KLHL4: variants seen among roughly 807,000 people sequenced by gnomAD.
KLHL4 encodes kelch like family member 4.
KLHL4 carries 17 observed loss-of-function variants against 45.8 expected under a neutral mutation model. The observed-to-expected ratio is 0.37, with a 90% CI of 0.25 to 0.56. The LOEUF is 0.56. Among genes scored for constraint, KLHL4 ranks in the 20% least tolerant of loss-of-function variants. The pLI, the probability that KLHL4 is intolerant of heterozygous loss-of-function variation, is 0.79. For missense variants in KLHL4, 544 were observed against 544.9 expected, an observed-to-expected ratio of 1.00 and a Z score of 0.02; for synonymous variants, 224 against 189.9, an observed-to-expected ratio of 1.18 and a Z score of -1.47.
intron 1 of KLHL4, among the ~76,000 whole-genome samples, chrX:87,533,496 T>C (rs1302001846): frequency 3.0e-5 from 3 of 100,814 alleles, no homozygotes; most frequent in African/African-American, 7.4e-5. Context: ...TAGGTGGGAA[T>C]TGAACAATGA....
chrX:87,554,234 G>GT (rs887529722), intron 1 of KLHL4, among the ~76,000 whole-genome samples: 16 of 80,833 alleles, frequency 2.0e-4, no homozygotes, highest in Non-Finnish European at 3.0e-4. Context: ...CTTTAAAGTA[G>GT]TTTTTTCCAA....
intron 1 of KLHL4, among the ~76,000 whole-genome samples, chrX:87,569,095 G>A (rs1932280101): frequency 9.0e-6 from 1 of 111,062 alleles, no homozygotes; most frequent in Admixed American, 9.6e-5. Context: ...CTTGTGTCTG[G>A]AATATATAAA....
At chrX:87,582,290 A>G (rs752070532) in intron 1 of KLHL4, among the ~76,000 whole-genome samples, 26 of 96,444 alleles carry the variant, frequency 2.7e-4, no homozygotes, top group Non-Finnish European at 4.2e-4. Context: ...AGCACCTAAG[A>G]GATAGAAAAA....
At chrX:87,531,040 A>G (rs754139988) in intron 1 of KLHL4, among the ~76,000 whole-genome samples, 1 of 112,082 alleles carries the variant, frequency 8.9e-6, no homozygotes, top group Non-Finnish European at 1.9e-5. Flanking sequence ...GCATTTTTTC[A>G]TGTGTCCTTT....
At chrX:87,600,063 C>T (rs1466596464) in intron 1 of KLHL4, among the ~76,000 whole-genome samples, 1 of 111,756 alleles carries the variant, frequency 8.9e-6, no homozygotes, top group African/African-American at 3.3e-5. Flanking sequence ...GAGATGGAAT[C>T]CTCAGTGCTG....
chrX:87,659,113 C>CTTTTTTTTTTTTTTTTTTTTTTTTT (rs1178733729), intron 9 of KLHL4, among the ~76,000 whole-genome samples: 2 of 45,101 alleles, frequency 4.4e-5, no homozygotes, highest in Non-Finnish European at 7.2e-5. Flanking sequence ...TCTTTTCTTT[C>CTTTTTTTTTTTTTTTTTTTTTTTTT]TTTTTTTTTT....
chrX:87,617,909 C>T (rs760357337), intron 3 of KLHL4, 23 bp from the exon 4 acceptor site: 2 of 1,151,886 alleles, frequency 1.7e-6, no homozygotes, highest in African/African-American at 1.8e-5. Flanking sequence ...TATAATCATT[C>T]TTTGCTTTTT....
At chrX:87,532,506 T>A (rs202120972) in intron 1 of KLHL4, among the ~76,000 whole-genome samples, 25,297 of 103,899 alleles carry the variant, frequency 0.24, 2,943 homozygotes, top group East Asian at 0.51. Context: ...TGGCATTGAA[T>A]CTATAAATTA....
At chrX:87,559,949 T>A (rs4828471) in intron 1 of KLHL4, among the ~76,000 whole-genome samples, 27,722 of 110,745 alleles carry the variant, frequency 0.25, 2,953 homozygotes, top group East Asian at 0.51. Context: ...TTACAAAAAC[T>A]GTACCCTTAA....
At chrX:87,654,658 C>T (rs1294971438) in intron 9 of KLHL4, among the ~76,000 whole-genome samples, 2 of 111,752 alleles carry the variant, frequency 1.8e-5, no homozygotes, top group Non-Finnish European at 1.9e-5. Context: ...CAGGTAGATA[C>T]GTAGTAGTGG....
chrX:87,638,127 C>A (rs1173410982), intron 9 of KLHL4, among the ~76,000 whole-genome samples: 1 of 109,527 alleles, frequency 9.1e-6, no homozygotes, highest in Non-Finnish European at 1.9e-5. Context: ...TCAAATTAAC[C>A]CAATCCGACA....
intron 1 of KLHL4, among the ~76,000 whole-genome samples, chrX:87,542,445 G>A (rs942883565): frequency 8.9e-6 from 1 of 112,457 alleles, no homozygotes; most frequent in Non-Finnish European, 1.9e-5. Flanking sequence ...GGACCCTGCT[G>A]CACTGTGCAG....
intron 1 of KLHL4, among the ~76,000 whole-genome samples, chrX:87,572,196 C>T (rs1292827856): frequency 9.0e-6 from 1 of 111,015 alleles, no homozygotes; most frequent in African/African-American, 3.3e-5. Flanking sequence ...CTAGTTTCTG[C>T]GAAAGCTTTC....
chrX:87,538,511 A>G (rs1408616473), intron 1 of KLHL4, among the ~76,000 whole-genome samples: 23 of 111,962 alleles, frequency 2.1e-4, no homozygotes, highest in Admixed American at 1.9e-3. Flanking sequence ...ATTAATTTTT[A>G]GAGATATATT....
chrX:87,625,290 C>T (rs910867902), intron 5 of KLHL4, among the ~76,000 whole-genome samples: 3 of 111,894 alleles, frequency 2.7e-5, no homozygotes, highest in Non-Finnish European at 3.8e-5. Flanking sequence ...TTCTACATTT[C>T]GGTTTGCTCA....
chrX:87,517,981 A>C lies in KLHL4; in HGVS notation c.88A>C (p.Thr30Pro). 1 of 1,211,435 alleles carries C rather than the reference A, an allele frequency of 8.3e-7. No individual in the cohort carries two copies. Among genetic ancestry groups the C allele is most frequent in the South Asian group, 1.8e-5 (1 of 56,964 alleles). ...GTTTAGTCATCCTTTTCAAGGTTCC[A>C]CCAACACTGGAAGCTGTCTTCAGCA... is the stretch of plus-strand genomic sequence containing the variant. ...RWFSHPFQGS[T>P]NTGSCLQQEG... Residue 30 changes from threonine (T) to proline (P), a missense_variant, in exon 1 of 11, where the codon ACC (threonine) becomes CCC (proline). By Grantham distance (38) the Thr-to-Pro change is conservative (BLOSUM62 -1). Transcript: ENST00000373119.
intron 1 of KLHL4, among the ~76,000 whole-genome samples, chrX:87,555,246 G>T (rs1346962617): frequency 9.2e-6 from 1 of 108,358 alleles, no homozygotes. Flanking sequence ...ATGAGTTAGG[G>T]AGGATTCCCT....
At chrX:87,613,749 C>A (rs1922458301) in intron 1 of KLHL4, 128 bp from the exon 2 acceptor site, 3 of 396,426 alleles carry the variant, frequency 7.6e-6, no homozygotes, top group Admixed American at 5.4e-5. Flanking sequence ...TACTTTAATC[C>A]AACATATTTC....
chrX:87,597,049 C>G, intron 1 of KLHL4, among the ~76,000 whole-genome samples: 1 of 112,213 alleles, frequency 8.9e-6, no homozygotes, highest in Non-Finnish European at 1.9e-5. Context: ...GTTTGTTTAG[C>G]AGCTTTGATT....
Sources: gnomAD v4.1 joint callset for allele counts (sites outside exome capture counted in the v4.1 genomes callset) on GRCh38, gnomAD v4.1.1 for gene constraint, MANE v1.5 for transcripts, NCBI Gene and HGNC (gene_info 2026-07-23, HGNC 2026-07-21) for gene names.